Variants in ZZZ3 observed in about 807,000 individuals in gnomAD.
ZZZ3 encodes the protein ZZ-type zinc finger-containing protein 3.
In ZZZ3, 22 loss-of-function variants were observed where a neutral mutation model predicts 95.2. That is an observed-to-expected ratio of 0.23 (90% CI 0.17 to 0.33). The LOEUF is 0.33. Ranked by LOEUF, ZZZ3 falls within the 10% of genes least tolerant of loss-of-function variation. The pLI, the probability that ZZZ3 is intolerant of heterozygous loss-of-function variation, is 1.00. For missense variants in ZZZ3, 885 were observed against 1,066.5 expected (o/e 0.83, Z 2.37); for synonymous variants, 335 against 358.9 (o/e 0.93, Z 0.75).
intron 5 of ZZZ3, among the ~76,000 whole-genome samples, chr1:77,623,153 A>T (rs1667036338): frequency 1.3e-5 from 2 of 152,186 alleles, no homozygotes. Context: ...AGATGAAATA[A>T]GCCCTATTAT....
chr1:77,617,586 C>T (rs2100766366), intron 5 of ZZZ3, among the ~76,000 whole-genome samples: 1 of 152,218 alleles, frequency 6.6e-6, no homozygotes, highest in South Asian at 2.1e-4. Context: ...CTGTGAACAT[C>T]TGTGTACAAG....
Position 77,576,081 on chromosome 1 carries a change from A to G in ZZZ3, c.2318T>C (p.Val773Ala). The change falls in exon 12 of 15, where the codon GTT becomes GCT. Residue 773 changes from valine (V) to alanine (A), a missense_variant. By Grantham distance (64) the Val-to-Ala change is moderately conservative (BLOSUM62 0). Transcript: ENST00000370801. ...TGTATAACTTACTGATGCATCTTCAACAGCAGTGTTCATGTGGCTATGAAA... is the reference window on the plus strand; with the variant it reads ...TGTATAACTTACTGATGCATCTTCAGCAGCAGTGTTCATGTGGCTATGAAA... ...SCFHSHMNTA[V>A]EDASDDESIP... is the part of the protein sequence containing the mutation. The G allele has an allele frequency of 6.2e-7, 1 of 1,608,798 alleles. No individual in the cohort carries two copies. Among genetic ancestry groups the G allele is most frequent in the Non-Finnish European group, 8.5e-7 (1 of 1,178,576 alleles).
intron 5 of ZZZ3, among the ~76,000 whole-genome samples, chr1:77,591,443 G>A (rs2100617090): frequency 6.6e-6 from 1 of 152,268 alleles, no homozygotes. Context: ...CAGGGCTCAA[G>A]TTGTCCTCCC....
Position 77,568,369 on chromosome 1 carries a change from T to G in ZZZ3, c.2429A>C (p.Gln810Pro). The change falls in exon 13 of 15, where the codon CAA becomes CCA. Residue 810 changes from glutamine to proline, a missense_variant. By Grantham distance (76) the Gln-to-Pro change is moderately conservative (BLOSUM62 -1). Coordinates refer to ENST00000370801, the MANE Select transcript of ZZZ3 (RefSeq NM_015534.6). ...ATGTTGCACAAATCCACTTTCAGCT[T>G]GCATTTGCTGAAGTTTCTGCTTCTT... ...KLKKQKLQQMQAESGFVQHVG... is the reference protein window; with the variant it reads ...KLKKQKLQQMPAESGFVQHVG... The G allele has an allele frequency of 6.3e-7, 1 of 1,598,268 alleles. No individual in the cohort carries two copies. The highest frequency in any genetic ancestry group is 1.1e-5 in the South Asian group (1 of 87,224).
intron 1 of ZZZ3, among the ~76,000 whole-genome samples, chr1:77,671,301 G>C (rs934588374): frequency 2.6e-5 from 4 of 152,104 alleles, no homozygotes; most frequent in African/African-American, 9.7e-5. Context: ...AGGTAGACAA[G>C]ATCAAAGTAT....
chr1:77,577,121 G>A (rs1317333864), intron 11 of ZZZ3, among the ~76,000 whole-genome samples: 1 of 152,098 alleles, frequency 6.6e-6, no homozygotes, highest in Non-Finnish European at 1.5e-5. Flanking sequence ...CAGTCACAAA[G>A]AACACCCTCA....
At chr1:77,598,695 A>G (rs758320439) in intron 5 of ZZZ3, among the ~76,000 whole-genome samples, 2 of 152,162 alleles carry the variant, frequency 1.3e-5, no homozygotes, top group Admixed American at 6.6e-5. Context: ...CAATCATGCC[A>G]CCAGTTCCGG....
intron 5 of ZZZ3, among the ~76,000 whole-genome samples, chr1:77,610,136 T>TAA (rs34927182): frequency 7.4e-4 from 104 of 140,172 alleles, no homozygotes; most frequent in East Asian, 1.2e-3. Flanking sequence ...AAATCAGAGA[T>TAA]AAAAAAAAAA....
chr1:77,632,458 T>G lies in ZZZ3; in HGVS notation c.897A>C (p.Pro299=). 1 of 1,614,168 alleles carries G rather than the reference T, an allele frequency of 6.2e-7. No individual in the cohort carries two copies. The highest frequency in any genetic ancestry group is 8.5e-7 in the Non-Finnish European group (1 of 1,180,020). ...GAGTTTCAGAAAAGGGCCCTGTAGC[T>G]GGCTCAGTAGTCAGCTGATTAACAT... is the stretch of plus-strand genomic sequence containing the variant. ...VEHVNQLTTE[P]ATGPFSETQS... Residue 299 remains proline, a synonymous_variant, in exon 5 of 15, where the codon CCA becomes CCC. Coordinates refer to ENST00000370801, the MANE Select transcript of ZZZ3 (RefSeq NM_015534.6).
chr1:77,569,857 G>A (rs1013354413), intron 12 of ZZZ3, among the ~76,000 whole-genome samples: 2 of 151,800 alleles, frequency 1.3e-5, no homozygotes, highest in Non-Finnish European at 2.9e-5. Context: ...TTTGTGCTCT[G>A]CCACCCAGGT....
upstream of ZZZ3, among the ~76,000 whole-genome samples, chr1:77,682,927 G>A (rs1335994301): frequency 6.6e-6 from 1 of 152,142 alleles, no homozygotes; most frequent in Non-Finnish European, 1.5e-5. Flanking sequence ...AGCGCAGTGC[G>A]CTGCCCCAGG....
At chr1:77,567,553 C>T (rs1434939181) in intron 13 of ZZZ3, among the ~76,000 whole-genome samples, 1 of 152,176 alleles carries the variant, frequency 6.6e-6, no homozygotes, top group Non-Finnish European at 1.5e-5. Flanking sequence ...AGCTCCTTGG[C>T]AAAATTTATA....
intron 1 of ZZZ3, among the ~76,000 whole-genome samples, chr1:77,674,901 G>A (rs1352989558): frequency 4.1e-5 from 6 of 146,384 alleles, no homozygotes; most frequent in Admixed American, 6.9e-5. Flanking sequence ...GCAGTGAGCC[G>A]AGATCACACC....
intron 5 of ZZZ3, among the ~76,000 whole-genome samples, chr1:77,585,711 A>T (rs1663018616): frequency 6.6e-6 from 1 of 152,182 alleles, no homozygotes; most frequent in Non-Finnish European, 1.5e-5. Context: ...CAGCACATAG[A>T]TGTTCAATAA....
At chr1:77,646,306 G>A (rs531393611) in intron 1 of ZZZ3, among the ~76,000 whole-genome samples, 16 of 151,750 alleles carry the variant, frequency 1.1e-4, no homozygotes, top group South Asian at 8.3e-4. Context: ...TGCAGCCTTC[G>A]ACCTCCCAGG....
intron 5 of ZZZ3, among the ~76,000 whole-genome samples, chr1:77,603,647 ACT>A (rs919365248): frequency 3.3e-5 from 5 of 152,046 alleles, no homozygotes; most frequent in African/African-American, 9.7e-5. Flanking sequence ...CTACTAAAAC[ACT>A]CTCTAAATGC....
chr1:77,654,185 CAAAA>C (rs749067016), intron 1 of ZZZ3, among the ~76,000 whole-genome samples: 10 of 66,340 alleles, frequency 1.5e-4, no homozygotes, highest in South Asian at 4.5e-4. Context: ...GACTCCATCT[CAAAA>C]AAAAAAAAAA....
At chr1:77,636,558 C>T (rs577832642) in intron 4 of ZZZ3, among the ~76,000 whole-genome samples, 1 of 151,590 alleles carries the variant, frequency 6.6e-6, no homozygotes, top group African/African-American at 2.4e-5. Context: ...ACTAAAAATA[C>T]AAAAAATTTA....
chr1:77,592,412 C>G (rs999530328), intron 5 of ZZZ3, among the ~76,000 whole-genome samples: 16 of 152,184 alleles, frequency 1.1e-4, no homozygotes, highest in Non-Finnish European at 1.9e-4. Context: ...AAGTGATTCT[C>G]CTGCCTCAGC....
Sources: allele counts gnomAD v4.1 joint callset (sites outside exome capture counted in the v4.1 genomes callset), GRCh38; gene constraint gnomAD v4.1.1; transcripts MANE v1.5; gene names NCBI Gene and HGNC (gene_info 2026-07-23, HGNC 2026-07-21).